The following PCDHA11 variants were observed in gnomAD, a reference collection of about 807,000 sequenced individuals.
PCDHA11 encodes protocadherin alpha-11.
A neutral mutation model predicts 70.3 loss-of-function variants in PCDHA11; 61 were observed. The ratio of observed to expected loss-of-function variants is 0.87; its 90% CI spans 0.71 to 1.07. PCDHA11 has a LOEUF of 1.07. Ranked by LOEUF, PCDHA11 falls within the 50% of genes least tolerant of loss-of-function variation. The probability of loss-of-function intolerance (pLI) is 0.00; values close to 1 mark genes in which losing one functional copy is unlikely to be tolerated. For synonymous variants in PCDHA11, 633 were observed against 555.1 expected, an observed-to-expected ratio of 1.14 and a Z score of -1.97; for missense variants, 1,324 against 1,237.5, an observed-to-expected ratio of 1.07 and a Z score of -1.05.
intron 1 of PCDHA11, among the ~76,000 whole-genome samples, chr5:140,889,913 T>C (rs1287325026): frequency 6.6e-6 from 1 of 152,172 alleles, no homozygotes; most frequent in Admixed American, 6.5e-5. Context: ...ATTGTCATAC[T>C]GTAAAGAAGC....
chr5:140,877,432 C>A (rs782574302), intron 1 of PCDHA11: 1 of 1,613,874 alleles, frequency 6.2e-7, no homozygotes, highest in Non-Finnish European at 8.5e-7. Flanking sequence ...GGTGAAGGAC[C>A]ACGGTGAGCC....
At chr5:140,917,330 AG>A (rs1425400137) in intron 1 of PCDHA11, among the ~76,000 whole-genome samples, 1,705 of 103,254 alleles carry the variant, frequency 0.017, 125 homozygotes, top group African/African-American at 0.055. Context: ...GTGGCGGGGG[AG>A]GGGGGGGATG....
intron 1 of PCDHA11, among the ~76,000 whole-genome samples, chr5:140,918,659 G>A (rs1584109247): frequency 6.6e-6 from 1 of 152,172 alleles, no homozygotes; most frequent in Non-Finnish European, 1.5e-5. Context: ...TTCTCATGTT[G>A]ATGGTATGAA....
chr5:141,009,946 A>G lies in PCDHA11; in HGVS notation c.*9A>G, dbSNP rs781855183. On this transcript the variant is annotated 3_prime_UTR_variant, in exon 4 of 4. Transcript: ENST00000398640. ...ACAACAGTGACCAGTGAGGTCCTCA[A>G]ATGGAAACAAGCCACTTAGCCAGTT... 8.8e-6 allele frequency: 14 copies of G among 1,596,354 alleles called. No homozygotes were observed. The highest frequency in any genetic ancestry group is 1.7e-4 in the Middle Eastern group (1 of 5,948).
At chr5:141,005,562 C>T (rs928721111) in intron 3 of PCDHA11, among the ~76,000 whole-genome samples, 2 of 151,226 alleles carry the variant, frequency 1.3e-5, no homozygotes, top group Admixed American at 6.6e-5. Flanking sequence ...ATTAGCCGGG[C>T]ATGGTGGCGC....
chr5:140,926,943 T>C (rs2083677139), intron 1 of PCDHA11: 1 of 1,587,096 alleles, frequency 6.3e-7, no homozygotes, highest in Non-Finnish European at 8.6e-7. Context: ...CCTGCGGCGC[T>C]GCAGCGGGAC....
At chr5:140,974,377 A>G (rs1356669539) in intron 1 of PCDHA11, among the ~76,000 whole-genome samples, 1 of 152,190 alleles carries the variant, frequency 6.6e-6, no homozygotes, top group Non-Finnish European at 1.5e-5. Flanking sequence ...TTTCTGTTGT[A>G]CTGGAACCCA....
intron 1 of PCDHA11, among the ~76,000 whole-genome samples, chr5:140,900,446 T>C (rs1344652526): frequency 6.6e-6 from 1 of 152,154 alleles, no homozygotes; most frequent in African/African-American, 2.4e-5. Context: ...GCCGGCTAAT[T>C]TTTTATTTTT....
chr5:140,957,513 T>C (rs76093065), intron 1 of PCDHA11, among the ~76,000 whole-genome samples: 3,563 of 152,232 alleles, frequency 0.023, 49 homozygotes, highest in Middle Eastern at 0.034. Flanking sequence ...TTATCCTTGG[T>C]TTCAGACATT....
In PCDHA11 at chr5:140,883,888, T is replaced by G. The variant is rs781919107; in HGVS notation, c.2391+12394T>G. ...AGTTCCAGGTGAGCGCGCGCGACTC[T>G]GGCGTGCCGCCTCTGGGCAGCAACG... On this transcript the variant is annotated intron_variant, in intron 1 of 3. Transcript: ENST00000398640. 33 of 1,612,942 alleles carry G rather than the reference T, an allele frequency of 2.0e-5. No individual in the cohort carries two copies. In the African/African-American group the frequency reaches 2.1e-4, roughly 10 times the overall value.
intron 1 of PCDHA11, among the ~76,000 whole-genome samples, chr5:140,890,783 A>G (rs150043569): frequency 1.3e-5 from 2 of 152,302 alleles, no homozygotes; most frequent in African/African-American, 4.8e-5. Context: ...CCCATAAGAT[A>G]TTAGTATTAT....
intron 1 of PCDHA11, among the ~76,000 whole-genome samples, chr5:140,957,103 A>G (rs1207553042): frequency 6.6e-6 from 1 of 152,168 alleles, no homozygotes; most frequent in Non-Finnish European, 1.5e-5. Flanking sequence ...ATTGCTATGG[A>G]CATGATTCTG....
chr5:140,947,738 T>C (rs2153680991), intron 1 of PCDHA11, among the ~76,000 whole-genome samples: 1 of 151,740 alleles, frequency 6.6e-6, no homozygotes, highest in South Asian at 2.1e-4. Context: ...GTAATACCTA[T>C]TCTTATGTAT....
At position 141,012,023 on chromosome 5, in the gene PCDHA11, C is replaced by T. The variant is rs1174206729; in HGVS notation, c.*2086C>T. On this transcript the variant is annotated 3_prime_UTR_variant, in exon 4 of 4. Coordinates refer to ENST00000398640, the MANE Select transcript of PCDHA11 (RefSeq NM_018902.5). ...TATTTTGAAGGGTGTGTAACTTCAGCTCTGCAGGATTGCATGGGGTAAAAC... is the reference window on the plus strand; with the variant it reads ...TATTTTGAAGGGTGTGTAACTTCAGTTCTGCAGGATTGCATGGGGTAAAAC... The T allele has an allele frequency of 6.5e-6, 1 of 153,700 alleles. No individual in the cohort carries two copies. The highest frequency in any genetic ancestry group is 1.5e-5 in the Non-Finnish European group (1 of 68,026). The allele number at this position is 153,700 out of a possible 1,614,324, so 9.5% of individuals were successfully genotyped here.
chr5:140,917,806 A>G (rs921651411), intron 1 of PCDHA11, among the ~76,000 whole-genome samples: 45 of 151,888 alleles, frequency 3.0e-4, no homozygotes, highest in Admixed American at 2.9e-3. Context: ...GCCTTGCAGT[A>G]TAGTTGAAGT....
At chr5:141,000,095 T>G (rs1299354306) in intron 3 of PCDHA11, among the ~76,000 whole-genome samples, 1 of 152,044 alleles carries the variant, frequency 6.6e-6, no homozygotes, top group Non-Finnish European at 1.5e-5. Flanking sequence ...TGAATGGAGC[T>G]CAACTCCGTC....
chr5:140,876,723 C>G, intron 1 of PCDHA11: 2 of 1,614,250 alleles, frequency 1.2e-6, no homozygotes, highest in African/African-American at 2.7e-5. Flanking sequence ...ACCGCGAGAG[C>G]GTGTCGGCCT....
chr5:140,953,871 A>G (rs2094944952), intron 1 of PCDHA11, among the ~76,000 whole-genome samples: 1 of 152,146 alleles, frequency 6.6e-6, no homozygotes, highest in African/African-American at 2.4e-5. Context: ...TTTGCTGCAC[A>G]GATCAACCCA....
intron 3 of PCDHA11, among the ~76,000 whole-genome samples, chr5:140,995,361 G>C (rs567350687): frequency 1.1e-3 from 168 of 152,090 alleles, no homozygotes; most frequent in African/African-American, 3.4e-3. Flanking sequence ...TCGGACAGAG[G>C]GATGATTCAC....
Sources: allele counts gnomAD v4.1 joint callset (sites outside exome capture counted in the v4.1 genomes callset), GRCh38; gene constraint gnomAD v4.1.1; transcripts MANE v1.5; gene names NCBI Gene and HGNC (gene_info 2026-07-23, HGNC 2026-07-21).